UBE2R2: variants seen among roughly 807,000 people sequenced by gnomAD.
UBE2R2 encodes ubiquitin-conjugating enzyme E2 R2.
UBE2R2 carries 1 observed loss-of-function variant against 27.8 expected under a neutral mutation model. The observed-to-expected ratio is 0.04, with a 90% CI of 0.01 to 0.17. UBE2R2 has a LOEUF of 0.17. Ranked by LOEUF, UBE2R2 falls within the 10% of genes least tolerant of loss-of-function variation. The pLI, the probability that UBE2R2 is intolerant of heterozygous loss-of-function variation, is 1.00. For missense variants in UBE2R2, 100 were observed against 291.0 expected (o/e 0.34, Z 4.78); for synonymous variants, 106 against 113.3 (o/e 0.94, Z 0.41).
chr9:33,831,265 A>ACCCC (rs991315341), intron 1 of UBE2R2, among the ~76,000 whole-genome samples: 1 of 151,928 alleles, frequency 6.6e-6, no homozygotes, highest in Non-Finnish European at 1.5e-5. Context: ...ACGTAGTGAG[A>ACCCC]CCCCCATCTC....
At chr9:33,830,495 G>A (rs1055065192) in intron 1 of UBE2R2, among the ~76,000 whole-genome samples, 7 of 149,628 alleles carry the variant, frequency 4.7e-5, no homozygotes, top group African/African-American at 7.3e-5. Context: ...GATTGGACGC[G>A]TTGGCTCATG....
intron 4 of UBE2R2, 113 bp from the exon 5 acceptor site, chr9:33,916,905 T>C (rs536328564): frequency 1.4e-6 from 2 of 1,455,582 alleles, no homozygotes; most frequent in East Asian, 4.8e-5. Context: ...TTCAGGCAGG[T>C]ACTGAAGTTT....
chr9:33,871,260 A>G (rs1353971681), intron 1 of UBE2R2, among the ~76,000 whole-genome samples: 2 of 152,144 alleles, frequency 1.3e-5, no homozygotes, highest in East Asian at 1.9e-4. Context: ...TTTATTTCCT[A>G]CCTCCCATAT....
intron 1 of UBE2R2, among the ~76,000 whole-genome samples, chr9:33,873,582 TATAACTC>T (rs1326980140): frequency 6.6e-5 from 10 of 152,178 alleles, no homozygotes; most frequent in African/African-American, 2.4e-4. Flanking sequence ...GAAGTTCAGT[TATAACTC>T]ATAGATTTCA....
chr9:33,898,604 AT>A (rs1327168465), intron 2 of UBE2R2, among the ~76,000 whole-genome samples: 1 of 152,122 alleles, frequency 6.6e-6, no homozygotes, highest in East Asian at 1.9e-4. Flanking sequence ...AAAAATATAA[AT>A]CTTAAGTCGT....
At chr9:33,873,026 T>A (rs886665346) in intron 1 of UBE2R2, among the ~76,000 whole-genome samples, 1 of 151,570 alleles carries the variant, frequency 6.6e-6, no homozygotes, top group African/African-American at 2.4e-5. Flanking sequence ...AATACAAAAA[T>A]TAGCTGGATG....
At position 33,824,615 on chromosome 9, in the gene UBE2R2, G is replaced by A. The variant is rs1277696588; in HGVS notation, c.177+6681G>A. On this transcript the variant is annotated intron_variant, in intron 1 of 4. Coordinates refer to ENST00000263228, the MANE Select transcript of UBE2R2 (RefSeq NM_017811.4). ...TATCGAGGCACTGCTCTCTAGCCTG[G>A]GCGAGAGAGCGAGGCTCTGTCTCAA... Among the ~76,000 whole-genome samples the A allele has an allele frequency of 2.0e-5, 3 of 151,114 alleles. No homozygotes were observed. In the East Asian group the frequency reaches 5.8e-4, roughly 29 times the overall value.
intron 1 of UBE2R2, among the ~76,000 whole-genome samples, chr9:33,824,563 C>T (rs1009135263): frequency 4.6e-5 from 7 of 151,198 alleles, no homozygotes; most frequent in African/African-American, 9.7e-5. Context: ...GGCGTGAACC[C>T]GGGAGGCGGA....
intron 3 of UBE2R2, among the ~76,000 whole-genome samples, chr9:33,904,459 A>G (rs944314793): frequency 6.6e-6 from 1 of 152,332 alleles, no homozygotes. Flanking sequence ...AAGTGATTCC[A>G]TATTCACGTA....
intron 1 of UBE2R2, among the ~76,000 whole-genome samples, chr9:33,833,361 G>A (rs905726680): frequency 7.9e-5 from 12 of 152,062 alleles, no homozygotes; most frequent in African/African-American, 2.2e-4. Flanking sequence ...CACCGCGCCC[G>A]ACTAATTTTT....
rs1294310051 is a variant in UBE2R2 at position 33,875,384 on chromosome 9, CTTTAATA to C, written c.178-11492_178-11486del. On this transcript the variant is annotated intron_variant, in intron 1 of 4. Coordinates refer to ENST00000263228, the MANE Select transcript of UBE2R2 (RefSeq NM_017811.4). ...TCCCTTTTACTTCTTGTGGAAAATA[CTTTAATA>C]TTTATTAATGCTCCTCAATACAATG... Among the ~76,000 whole-genome samples the C allele has an allele frequency of 4.6e-5, 7 of 152,198 alleles. 1 individual carries two copies. In the South Asian group the frequency reaches 1.5e-3, roughly 32 times the overall value.
intron 1 of UBE2R2, among the ~76,000 whole-genome samples, chr9:33,834,004 CGTT>C (rs912337997): frequency 6.6e-6 from 1 of 152,020 alleles, no homozygotes; most frequent in Admixed American, 6.6e-5. Context: ...AATAACATTC[CGTT>C]GTTTGTATAA....
intron 1 of UBE2R2, among the ~76,000 whole-genome samples, chr9:33,844,881 C>T (rs954662961): frequency 6.6e-6 from 1 of 151,674 alleles, no homozygotes; most frequent in African/African-American, 2.4e-5. Flanking sequence ...ATTCTCTTGC[C>T]TCACCCTCCG....
At chr9:33,877,815 G>GTCTCTCTCTC (rs1439369271) in intron 1 of UBE2R2, among the ~76,000 whole-genome samples, 3 of 95,734 alleles carry the variant, frequency 3.1e-5, no homozygotes, top group Non-Finnish European at 6.7e-5. Context: ...CTGTCTGTCT[G>GTCTCTCTCTC]TCTGTCTGTC....
chr9:33,897,320 CTT>C (rs36097436), intron 2 of UBE2R2, among the ~76,000 whole-genome samples: 11,478 of 140,118 alleles, frequency 0.082, 632 homozygotes, highest in Non-Finnish European at 0.12. Flanking sequence ...CAGAAAAACT[CTT>C]TTTTTTTTTT....
At chr9:33,888,879 A>C (rs1481946543) in intron 2 of UBE2R2, among the ~76,000 whole-genome samples, 3 of 152,206 alleles carry the variant, frequency 2.0e-5, no homozygotes, top group Non-Finnish European at 2.9e-5. Flanking sequence ...TTTGGAGTTC[A>C]TTCTGTATAA....
chr9:33,835,914 T>C (rs1055686187), intron 1 of UBE2R2, among the ~76,000 whole-genome samples: 3 of 152,276 alleles, frequency 2.0e-5, no homozygotes, highest in Non-Finnish European at 2.9e-5. Flanking sequence ...AGTAAAGATA[T>C]GAGTTATTTT....
At chr9:33,867,767 A>G (rs901704596) in intron 1 of UBE2R2, among the ~76,000 whole-genome samples, 1 of 152,228 alleles carries the variant, frequency 6.6e-6, no homozygotes, top group East Asian at 1.9e-4. Context: ...CCTGAATCCA[A>G]AATTAGCTGG....
intron 2 of UBE2R2, among the ~76,000 whole-genome samples, chr9:33,897,854 C>T (rs1822154621): frequency 6.7e-6 from 1 of 149,322 alleles, no homozygotes; most frequent in Non-Finnish European, 1.5e-5. Flanking sequence ...CGGTTCACCA[C>T]AACCTCCACC....
Sources: gnomAD v4.1 joint callset for allele counts (sites outside exome capture counted in the v4.1 genomes callset) on GRCh38, gnomAD v4.1.1 for gene constraint, MANE v1.5 for transcripts, NCBI Gene and HGNC (gene_info 2026-07-23, HGNC 2026-07-21) for gene names.